The following SNX25 variants were observed in gnomAD, a reference collection of about 807,000 sequenced individuals.
SNX25 encodes the protein sorting nexin-25.
In SNX25, 62 loss-of-function variants were observed where a neutral mutation model predicts 113.7. The ratio of observed to expected loss-of-function variants is 0.55; its 90% CI spans 0.44 to 0.67. SNX25 has a LOEUF of 0.67. SNX25 is among the 30% of genes least tolerant of loss of function. The pLI is 0.00. For synonymous variants in SNX25, 421 were observed against 436.2 expected (o/e 0.97, Z 0.43); for missense variants, 1,014 against 1,161.0 (o/e 0.87, Z 1.84).
chr4:185,241,556 G>A (rs1481418250), intron 1 of SNX25, among the ~76,000 whole-genome samples: 35 of 146,428 alleles, frequency 2.4e-4, no homozygotes, highest in Middle Eastern at 3.6e-3. Context: ...GAGAGGGAGA[G>A]GAGGGAGAGG....
chr4:185,367,154 T>A (rs1348248577), downstream of SNX25: 7 of 1,589,698 alleles, frequency 4.4e-6, no homozygotes, highest in Non-Finnish European at 6.0e-6. Flanking sequence ...TTAGCATTGA[T>A]GATCTTTGTT....
At chr4:185,348,418 A>G (rs2095298841) in intron 13 of SNX25, among the ~76,000 whole-genome samples, 1 of 150,542 alleles carries the variant, frequency 6.6e-6, no homozygotes, top group Non-Finnish European at 1.5e-5. Context: ...TTTGAGACAG[A>G]CTCTTGCTCT....
chr4:185,377,991 A>G, the SNX25 span: 11 of 1,070,004 alleles, frequency 1.0e-5, no homozygotes, highest in South Asian at 4.5e-5. Context: ...AAATCAATAA[A>G]ACACATTATT....
chr4:185,277,955 A>G (rs762571413), intron 5 of SNX25, among the ~76,000 whole-genome samples: 2 of 129,574 alleles, frequency 1.5e-5, no homozygotes, highest in Non-Finnish European at 1.7e-5. Flanking sequence ...GATGGTCTCG[A>G]TCTCCTGACC....
intron 1 of SNX25, among the ~76,000 whole-genome samples, chr4:185,212,492 T>TTTTTG (rs1560890036): frequency 4.3e-4 from 12 of 27,878 alleles, no homozygotes; most frequent in Middle Eastern, 0.012. Flanking sequence ...TGTGTGTGTG[T>TTTTTG]TTTTTTTTTT....
upstream of SNX25, chr4:185,209,206 CG>C (rs1273293325): frequency 2.0e-5 from 3 of 152,166 alleles, no homozygotes; most frequent in African/African-American, 4.8e-5. The surrounding 1 kb of genome is among the most constrained non-coding windows in gnomAD (Gnocchi z 5.2). Flanking sequence ...CAGGGAGTCT[CG>C]GGAACGGTTG....
At chr4:185,374,294 T>G, downstream of SNX25, 1 of 1,614,132 alleles carries the variant, frequency 6.2e-7, no homozygotes, top group Non-Finnish European at 8.5e-7. Flanking sequence ...CCTTCAAACC[T>G]AATCTTGTTC....
chr4:185,327,921 G>C (rs1198447877), intron 9 of SNX25, among the ~76,000 whole-genome samples: 3 of 152,154 alleles, frequency 2.0e-5, no homozygotes, highest in African/African-American at 4.8e-5. Context: ...GTATGAAATT[G>C]CTTGATCGAT....
chr4:185,270,698 C>T (rs1027464728), intron 5 of SNX25, among the ~76,000 whole-genome samples: 2 of 152,198 alleles, frequency 1.3e-5, no homozygotes, highest in African/African-American at 4.8e-5. Flanking sequence ...TCCCTCCCTC[C>T]AGCCCTTGGC....
chr4:185,367,537 G>C (rs1217787527), downstream of SNX25, among the ~76,000 whole-genome samples: 1 of 152,170 alleles, frequency 6.6e-6, no homozygotes, highest in Non-Finnish European at 1.5e-5. Flanking sequence ...ATTAAAATAA[G>C]TAAAATGGAG....
At chr4:185,211,418 C>A (rs941428376) in intron 1 of SNX25, among the ~76,000 whole-genome samples, 1 of 152,124 alleles carries the variant, frequency 6.6e-6, no homozygotes, top group Non-Finnish European at 1.5e-5. Context: ...CTTAGCCATC[C>A]GTTTTTCATA....
intron 3 of SNX25, among the ~76,000 whole-genome samples, chr4:185,263,426 A>G (rs1342041401): frequency 6.6e-6 from 1 of 152,236 alleles, no homozygotes; most frequent in Admixed American, 6.5e-5. Flanking sequence ...GCGTATCAGT[A>G]TATGCATAAA....
chr4:185,342,105 A>C lies in SNX25; in HGVS notation c.2176A>C (p.Lys726Gln). The change falls in exon 12 of 19, where the codon AAA (lysine) becomes CAA (glutamine). Residue 726 changes from lysine to glutamine, a missense_variant. Coordinates refer to ENST00000652585, the MANE Select transcript of SNX25 (RefSeq NM_001378034.2). ...RLSEFQNLHR[K>Q]LSECVPSLKK... Reference sequence around the variant, plus strand: ...CAGCGAGTTTCAGAATTTACACCGGAAACTCAGTGAGGTATGAATACTCAT... The same window carrying C: ...CAGCGAGTTTCAGAATTTACACCGGCAACTCAGTGAGGTATGAATACTCAT... The C allele has an allele frequency of 6.3e-7, 1 of 1,599,508 alleles. No homozygotes were observed. Among genetic ancestry groups the C allele is most frequent in the Non-Finnish European group, 8.5e-7 (1 of 1,174,494 alleles).
chr4:185,357,618 T>A lies in SNX25; in HGVS notation c.2585-53T>A, dbSNP rs1046885604. The A allele has an allele frequency of 2.4e-5, 34 of 1,391,386 alleles. No individual in the cohort carries two copies. In the African/African-American group the frequency reaches 4.8e-4, roughly 20 times the overall value. 86.2% of individuals were successfully genotyped at this position (1,391,386 alleles called of 1,614,324 possible). A position where few individuals can be genotyped will look rare whatever the true frequency, so the allele number is the denominator to read the frequency against. On this transcript the variant is annotated intron_variant, in intron 15 of 18. Transcript: ENST00000652585. Reference sequence around the variant, plus strand: ...TATGCTTTGTACAGCTATGAAAATGTCCCAAATTGTGATGCCCTGTGATAA... The same window carrying A: ...TATGCTTTGTACAGCTATGAAAATGACCCAAATTGTGATGCCCTGTGATAA...
At chr4:185,377,186 C>T in the SNX25 span, 1 of 610,230 alleles carries the variant, frequency 1.6e-6, no homozygotes, top group Admixed American at 2.7e-5. Flanking sequence ...CCTGAAAAAA[C>T]GTCATGGTCA....
intron 7 of SNX25, among the ~76,000 whole-genome samples, chr4:185,312,988 G>C (rs1394623069): frequency 6.6e-6 from 1 of 152,154 alleles, no homozygotes; most frequent in Admixed American, 6.5e-5. Flanking sequence ...TAAGACTTTG[G>C]TTAGTTTGGG....
intron 6 of SNX25, among the ~76,000 whole-genome samples, chr4:185,292,281 TA>T (rs144110889): frequency 0.013 from 2,047 of 152,190 alleles, 52 homozygotes; most frequent in African/African-American, 0.047. Flanking sequence ...GGGAAAAAAG[TA>T]AATTGGACTT....
rs1191468637 is a variant in SNX25, at chr4:185,210,420, C to A, written c.429+165C>A. ...CCCGGCCGTGGACGCGAGCGTTCCC[C>A]GGCGCCCGCGCGCGGCGGGCTCCGG... On this transcript the variant is annotated intron_variant, in intron 1 of 18. Coordinates refer to ENST00000652585, the MANE Select transcript of SNX25 (RefSeq NM_001378034.2). This position sits in a 1 kb window ranked among gnomAD's most constrained non-coding sequence, Gnocchi z 4.4. 7.3e-6 allele frequency among the ~76,000 whole-genome samples: 1 copy of A among 137,454 alleles called. No homozygotes were observed. The highest frequency in any genetic ancestry group is 1.7e-5 in the Non-Finnish European group (1 of 58,600). 90.2% of individuals were successfully genotyped at this position (137,454 alleles called of 152,430 possible). A position where few individuals can be genotyped will look rare whatever the true frequency, so the allele number is the denominator to read the frequency against.
At chr4:185,367,332 T>A, downstream of SNX25, 3 of 1,219,108 alleles carry the variant, frequency 2.5e-6, no homozygotes, top group Non-Finnish European at 2.3e-6. Flanking sequence ...TTGATTCATT[T>A]TTAAGAATAG....
Sources: allele counts gnomAD v4.1 joint callset (sites outside exome capture counted in the v4.1 genomes callset), GRCh38; gene constraint gnomAD v4.1.1; non-coding constraint Gnocchi (gnomAD v3.1); transcripts MANE v1.5; gene names NCBI Gene and HGNC (gene_info 2026-07-23, HGNC 2026-07-21).